EPM2A: variants seen among roughly 807,000 people sequenced by gnomAD.
EPM2A encodes laforin.
EPM2A carries 21 observed loss-of-function variants against 26.5 expected under a neutral mutation model. The ratio of observed to expected loss-of-function variants is 0.79; its 90% CI spans 0.56 to 1.14. The LOEUF is 1.14. Among genes scored for constraint, EPM2A ranks in the 50% most tolerant of loss-of-function variants. The probability of loss-of-function intolerance (pLI) is 0.00; values close to 1 mark genes in which losing one functional copy is unlikely to be tolerated. For synonymous variants in EPM2A, 217 were observed against 177.6 expected, an observed-to-expected ratio of 1.22 and a Z score of -1.76; for missense variants, 458 against 440.8, an observed-to-expected ratio of 1.04 and a Z score of -0.35.
chr6:145,686,054 A>T, intron 2 of EPM2A, 68 bp downstream of exon 2: 1 of 1,442,526 alleles, frequency 6.9e-7, no homozygotes, highest in Non-Finnish European at 9.7e-7. Context: ...AACACAGTAA[A>T]TATTTCCATT....
Position 145,494,934 on chromosome 6 carries a change from A to G in EPM2A, c.555+7588T>C, listed in dbSNP as rs528729397. Among the ~76,000 whole-genome samples, 4 of 152,258 alleles carry G rather than the reference A, an allele frequency of 2.6e-5. No homozygotes were observed. The South Asian group carries it at 8.3e-4, about 32-fold the overall frequency. Reference sequence around the variant, plus strand: ...ATTATGTGATTGATTTTAGAGTAAGATATTTGGCAATGAGAAGAATGTATA... The same window carrying G: ...ATTATGTGATTGATTTTAGAGTAAGGTATTTGGCAATGAGAAGAATGTATA... On this transcript the variant is annotated intron_variant, in intron 4 of 4. Coordinates refer to the EPM2A transcript ENST00000638717.
At chr6:145,476,680 A>G (rs1421127194) in intron 4 of EPM2A, among the ~76,000 whole-genome samples, 1 of 152,096 alleles carries the variant, frequency 6.6e-6, no homozygotes, top group Non-Finnish European at 1.5e-5. Flanking sequence ...TAAAAATTAA[A>G]TATTATGCTC....
At chr6:145,491,138 A>C in intron 4 of EPM2A, 1 of 560,766 alleles carries the variant, frequency 1.8e-6, no homozygotes, top group Non-Finnish European at 3.5e-6. Context: ...TTTTCCTCTA[A>C]TGGAGCTGAG....
intron 4 of EPM2A, among the ~76,000 whole-genome samples, chr6:145,462,399 T>C (rs1042820921): frequency 3.9e-5 from 6 of 152,188 alleles, no homozygotes; most frequent in African/African-American, 9.6e-5. Flanking sequence ...ATAAAATACA[T>C]TGTATACAAA....
At chr6:145,383,799 T>C (rs933796466) in exon 5 of EPM2A, 3 of 152,216 alleles carry the variant, frequency 2.0e-5, no homozygotes, top group Non-Finnish European at 4.4e-5. Context: ...TCAAAATATC[T>C]ATTCTAGAAC....
In EPM2A at chr6:145,611,069, T is replaced by C. The variant is rs1775382472; in HGVS notation, c.340+24176A>G. Among the ~76,000 whole-genome samples the C allele has an allele frequency of 2.6e-5, 4 of 152,196 alleles. No individual in the cohort carries two copies. The South Asian group carries it at 8.3e-4, about 32-fold the overall frequency. On this transcript the variant is annotated intron_variant, in intron 2 of 3. Coordinates refer to the EPM2A transcript ENST00000450221. ...AGATTTAGATTTAATTTATTTATCCTCTATTTCTGTCATTAAAAACAATAA... is the reference window on the plus strand; with the variant it reads ...AGATTTAGATTTAATTTATTTATCCCCTATTTCTGTCATTAAAAACAATAA...
At chr6:145,468,624 A>G (rs564542701) in intron 4 of EPM2A, among the ~76,000 whole-genome samples, 7 of 86,266 alleles carry the variant, frequency 8.1e-5, no homozygotes, top group African/African-American at 3.2e-4. Context: ...CATATACAAA[A>G]ATCAAATCAA....
At chr6:145,682,822 T>A (rs1265392959) in intron 2 of EPM2A, among the ~76,000 whole-genome samples, 1 of 152,152 alleles carries the variant, frequency 6.6e-6, no homozygotes, top group Non-Finnish European at 1.5e-5. Flanking sequence ...CATAAAAAAA[T>A]TCTAGGCATA....
At chr6:145,410,017 A>G (rs903745930) in intron 4 of EPM2A, among the ~76,000 whole-genome samples, 3 of 152,142 alleles carry the variant, frequency 2.0e-5, no homozygotes, top group African/African-American at 7.2e-5. Flanking sequence ...GCCACACTCT[A>G]TTGGCCCCAA....
At chr6:145,400,089 G>A (rs1367833098) in intron 4 of EPM2A, among the ~76,000 whole-genome samples, 1 of 152,104 alleles carries the variant, frequency 6.6e-6, no homozygotes, top group Non-Finnish European at 1.5e-5. Context: ...ACATTTAATT[G>A]GTTGTAATTC....
At chr6:145,394,306 G>C (rs904147578) in intron 4 of EPM2A, among the ~76,000 whole-genome samples, 3 of 152,082 alleles carry the variant, frequency 2.0e-5, no homozygotes, top group African/African-American at 7.2e-5. Flanking sequence ...CCTTACTCAT[G>C]TCTTTCCCAT....
chr6:145,441,068 C>T lies in EPM2A; in HGVS notation c.556-56971G>A, dbSNP rs898062147. ...AGAGGTTCTCCATGAGGGCCCAGCC[C>T]CTGCAGCAAATCTCTGCCTGGGCAT... On this transcript the variant is annotated intron_variant, in intron 4 of 4. Coordinates refer to the EPM2A transcript ENST00000638717. Among the ~76,000 whole-genome samples, 4 of 152,334 alleles carry T rather than the reference C, an allele frequency of 2.6e-5. No individual in the cohort carries two copies. In the South Asian group the frequency reaches 6.2e-4, roughly 24 times the overall value.
At chr6:145,485,006 T>TATTA (rs1779655392) in intron 4 of EPM2A, among the ~76,000 whole-genome samples, 1 of 143,464 alleles carries the variant, frequency 7.0e-6, no homozygotes, top group Admixed American at 7.0e-5. Context: ...TATATATATA[T>TATTA]TATATATATA....
intron 2 of EPM2A, among the ~76,000 whole-genome samples, chr6:145,539,492 G>A (rs1037974963): frequency 1.3e-5 from 2 of 152,158 alleles, no homozygotes; most frequent in Non-Finnish European, 2.9e-5. Context: ...CGATAAGGAG[G>A]AGAATTTGTT....
At chr6:145,523,239 T>C (rs1780227898) in intron 2 of EPM2A, among the ~76,000 whole-genome samples, 2 of 152,286 alleles carry the variant, frequency 1.3e-5, no homozygotes, top group South Asian at 2.1e-4. Context: ...AATTCTACAA[T>C]TTATAGTGTT....
rs74382513 is a variant in EPM2A, at chr6:145,474,042, T to C, written c.555+28480A>G. Among the ~76,000 whole-genome samples the C allele has an allele frequency of 2.2e-3, 332 of 152,258 alleles. 4 individuals carry two copies. Among genetic ancestry groups the C allele is most frequent in the African/African-American group, 7.7e-3 (322 of 41,568 alleles). ...ATATTATAACACTGTACCTGCAATG[T>C]GTAAATTACTCTTATCCGAAGTAGA... On this transcript the variant is annotated intron_variant, in intron 4 of 4. Coordinates refer to the EPM2A transcript ENST00000638717.
chr6:145,522,966 A>G (rs1780222859), intron 2 of EPM2A, among the ~76,000 whole-genome samples: 1 of 152,124 alleles, frequency 6.6e-6, no homozygotes, highest in Non-Finnish European at 1.5e-5. Flanking sequence ...AGACAACTCA[A>G]GCACGCTCTG....
At chr6:145,674,643 C>A (rs1036768908) in intron 2 of EPM2A, among the ~76,000 whole-genome samples, 1 of 152,052 alleles carries the variant, frequency 6.6e-6, no homozygotes, top group African/African-American at 2.4e-5. Flanking sequence ...GTGACACATG[C>A]ACAAGCTTCT....
intron 2 of EPM2A, among the ~76,000 whole-genome samples, chr6:145,619,640 T>G (rs945654621): frequency 6.6e-6 from 1 of 151,530 alleles, no homozygotes; most frequent in Non-Finnish European, 1.5e-5. Context: ...TGGGGTGGAG[T>G]GGTAATCATA....
Sources: gnomAD v4.1 joint callset for allele counts (sites outside exome capture counted in the v4.1 genomes callset) on GRCh38, gnomAD v4.1.1 for gene constraint, MANE v1.5 for transcripts, NCBI Gene and HGNC (gene_info 2026-07-23, HGNC 2026-07-21) for gene names.